The following STK32C variants were observed in gnomAD, a reference collection of about 807,000 sequenced individuals.
The protein encoded by STK32C is serine/threonine kinase 32C, also known as serine/threonine-protein kinase 32C.
In STK32C, 31 loss-of-function variants were observed where a neutral mutation model predicts 56.5. The ratio of observed to expected loss-of-function variants is 0.55; its 90% confidence interval spans 0.41 to 0.74. The LOEUF (loss-of-function observed/expected upper bound fraction) is 0.74, where lower values mean the gene tolerates loss of function less well. Ranked by LOEUF, STK32C falls within the 30% of genes least tolerant of loss-of-function variation. STK32C has a pLI of 0.00. For missense variants in STK32C, 544 were observed against 676.9 expected (o/e 0.80, Z 2.18); for synonymous variants, 309 against 289.4 (o/e 1.07, Z -0.69).
At chr10:132,297,349 C>T (rs1291124950) in intron 1 of STK32C, among the ~76,000 whole-genome samples, 3 of 152,166 alleles carry the variant, frequency 2.0e-5, no homozygotes, top group Non-Finnish European at 2.9e-5. Flanking sequence ...GAAGATCCAC[C>T]GAAGGGCCTG....
chr10:132,289,495 C>T (rs1353670558), intron 1 of STK32C, among the ~76,000 whole-genome samples: 1 of 152,230 alleles, frequency 6.6e-6, no homozygotes, highest in Non-Finnish European at 1.5e-5. Context: ...ACAGACACTT[C>T]ACAAAGTAAG....
chr10:132,285,449 A>G (rs1175140999), intron 1 of STK32C, among the ~76,000 whole-genome samples: 2 of 152,252 alleles, frequency 1.3e-5, no homozygotes, highest in Non-Finnish European at 2.9e-5. Context: ...AGACACCACT[A>G]TATATTTGTA....
chr10:132,261,903 C>G (rs2138072890), intron 1 of STK32C, among the ~76,000 whole-genome samples: 3 of 152,318 alleles, frequency 2.0e-5, no homozygotes, highest in East Asian at 3.9e-4. Flanking sequence ...CTCCTCCTAT[C>G]AAACTACAAA....
chr10:132,268,607 G>A (rs1229268004), intron 1 of STK32C, among the ~76,000 whole-genome samples: 1 of 149,830 alleles, frequency 6.7e-6, no homozygotes, highest in Non-Finnish European at 1.5e-5. Context: ...CTCTATGCCT[G>A]TGTGCATGCA....
chr10:132,326,496 G>A (rs1289524461), intron 1 of STK32C, among the ~76,000 whole-genome samples: 1 of 152,172 alleles, frequency 6.6e-6, no homozygotes, highest in Non-Finnish European at 1.5e-5. Flanking sequence ...GCTAATTTTT[G>A]TATTATTAGT....
rs1040115107 is a variant in STK32C, at chr10:132,208,107, G to A, written c.1364C>T (p.Pro455Leu). Reference sequence around the variant, plus strand: ...AGGCTCCGCAGCATCCCTGGACTCAGGGGCGGGGAGAGGCTCCCTCGGGAG... The same window carrying A: ...AGGCTCCGCAGCATCCCTGGACTCAAGGGCGGGGAGAGGCTCCCTCGGGAG... Reference protein sequence around the residue: ...QDLPREPLPAPESRDAAEPVE... With the variant: ...QDLPREPLPALESRDAAEPVE... Residue 455 changes from proline to leucine, a missense_variant, in exon 12 of 12, where the codon CCT becomes CTT. This residue lies in a region of STK32C where 277 missense variants were observed against 309.3 expected (regional missense o/e 0.90). Transcript: ENST00000298630. 1 of 1,311,060 alleles carries A rather than the reference G, an allele frequency of 7.6e-7. No homozygotes were observed. The highest frequency in any genetic ancestry group is 9.8e-7 in the Non-Finnish European group (1 of 1,021,400). The allele number at this position is 1,311,060 out of a possible 1,614,324, so 81.2% of individuals were successfully genotyped here. A position where few individuals can be genotyped will look rare whatever the true frequency, so the allele number is the denominator to read the frequency against.
intron 2 of STK32C, among the ~76,000 whole-genome samples, chr10:132,244,483 C>G (rs1258014564): frequency 6.6e-6 from 1 of 152,172 alleles, no homozygotes; most frequent in Non-Finnish European, 1.5e-5. Context: ...GCAACAGGGG[C>G]AATGGGGAGA....
chr10:132,267,473 C>T (rs770422539), intron 1 of STK32C, among the ~76,000 whole-genome samples: 2 of 149,540 alleles, frequency 1.3e-5, no homozygotes, highest in African/African-American at 5.1e-5. Flanking sequence ...GTGGGTTCAG[C>T]TCTATGCCTG....
chr10:132,323,203 T>C (rs185132283), downstream of STK32C, among the ~76,000 whole-genome samples: 22 of 152,316 alleles, frequency 1.4e-4, no homozygotes, highest in African/African-American at 5.1e-4. This position sits in a 1 kb window ranked among gnomAD's most constrained non-coding sequence, Gnocchi z 4.8. Context: ...AGGCTTACCA[T>C]GTAATTTTCC....
intron 8 of STK32C, among the ~76,000 whole-genome samples, 166 bp from the exon 9 acceptor site, chr10:132,223,152 T>TA (rs1471720125): frequency 6.6e-6 from 1 of 152,188 alleles, no homozygotes; most frequent in East Asian, 1.9e-4. Context: ...ACGGCCGACA[T>TA]CAGGCAAAGC....
chr10:132,251,705 G>A (rs1419422278), intron 1 of STK32C, among the ~76,000 whole-genome samples: 9 of 150,922 alleles, frequency 6.0e-5, no homozygotes, highest in African/African-American at 2.0e-4. Context: ...TGGGGCCTCC[G>A]ACCCTCCACT....
At chr10:132,292,464 G>A (rs538297570) in intron 1 of STK32C, among the ~76,000 whole-genome samples, 18 of 152,268 alleles carry the variant, frequency 1.2e-4, no homozygotes, top group African/African-American at 3.1e-4. Context: ...TCATACACAC[G>A]TAAACAATTC....
In STK32C at chr10:132,282,054, C is replaced by A. The variant is rs115594475; in HGVS notation, c.262+25518G>T. 7.1e-3 allele frequency among the ~76,000 whole-genome samples: 1,077 copies of A among 152,358 alleles called. 13 individuals carry two copies. The highest frequency in any genetic ancestry group is 0.024 in the African/African-American group (984 of 41,582). Reference sequence around the variant, plus strand: ...CCCGGCCTGGAGGCAGAGCCGCCAGCTGGCCAGGCAGCAGCCCAGCCGCTC... The same window carrying A: ...CCCGGCCTGGAGGCAGAGCCGCCAGATGGCCAGGCAGCAGCCCAGCCGCTC... On this transcript the variant is annotated intron_variant, in intron 1 of 11. Coordinates refer to ENST00000298630, the MANE Select transcript of STK32C (RefSeq NM_173575.4).
chr10:132,271,139 G>A (rs1026893272), intron 1 of STK32C, among the ~76,000 whole-genome samples: 1 of 152,148 alleles, frequency 6.6e-6, no homozygotes, highest in Non-Finnish European at 1.5e-5. Flanking sequence ...GGTGAGGAGT[G>A]TCCTAACCGG....
chr10:132,285,733 C>T (rs567874388), intron 1 of STK32C, among the ~76,000 whole-genome samples: 3 of 152,252 alleles, frequency 2.0e-5, no homozygotes, highest in Admixed American at 6.5e-5. Flanking sequence ...ACAGACATAG[C>T]GATAGATTGC....
At chr10:132,224,176 C>G (rs2062789213) in intron 8 of STK32C, among the ~76,000 whole-genome samples, 2 of 152,130 alleles carry the variant, frequency 1.3e-5, no homozygotes, top group Non-Finnish European at 2.9e-5. Flanking sequence ...CACCAGGACA[C>G]CAGTGACCTG....
At chr10:132,332,077 G>T, upstream of STK32C, 1 of 265,124 alleles carries the variant, frequency 3.8e-6, no homozygotes, top group East Asian at 7.5e-5. Flanking sequence ...ACCCCCGCGC[G>T]CAGGCGCACC....
chr10:132,270,034 G>A (rs2064765661), intron 1 of STK32C, among the ~76,000 whole-genome samples: 1 of 152,234 alleles, frequency 6.6e-6, no homozygotes, highest in African/African-American at 2.4e-5. Context: ...CTGATGCCTG[G>A]TACTGCTGTA....
intron 1 of STK32C, among the ~76,000 whole-genome samples, chr10:132,267,272 T>C (rs891075869): frequency 1.3e-5 from 2 of 152,242 alleles, no homozygotes; most frequent in African/African-American, 4.8e-5. Context: ...ATGCGAGAAG[T>C]CTGCACAGCC....
Sources: allele counts gnomAD v4.1 joint callset (sites outside exome capture counted in the v4.1 genomes callset), GRCh38; gene constraint gnomAD v4.1.1; regional missense constraint gnomAD v4.1.1; non-coding constraint Gnocchi (gnomAD v3.1); transcripts MANE v1.5; gene names NCBI Gene and HGNC (gene_info 2026-07-23, HGNC 2026-07-21).